Variants in TEAD1 observed in about 807,000 individuals in gnomAD.
TEAD1 encodes transcriptional enhancer factor TEF-1.
In TEAD1, 9 loss-of-function variants were observed where a neutral mutation model predicts 54.9. That is an observed-to-expected ratio of 0.16 (90% confidence interval 0.10 to 0.29). The LOEUF (loss-of-function observed/expected upper bound fraction) is 0.29. TEAD1 is among the 10% of genes least tolerant of loss of function. TEAD1 has a pLI of 1.00. For missense variants in TEAD1, 387 were observed against 535.9 expected, an observed-to-expected ratio of 0.72 and a Z score of 2.74; for synonymous variants, 200 against 187.8, an observed-to-expected ratio of 1.07 and a Z score of -0.53.
intron 2 of TEAD1, among the ~76,000 whole-genome samples, chr11:12,759,349 A>C (rs1945055149): frequency 6.7e-6 from 1 of 148,218 alleles, no homozygotes; most frequent in South Asian, 2.1e-4. Flanking sequence ...CACTGTACTC[A>C]TGTTACTCTT....
chr11:12,919,204 T>G (rs1467898585), intron 10 of TEAD1, among the ~76,000 whole-genome samples: 1 of 152,224 alleles, frequency 6.6e-6, no homozygotes, highest in Non-Finnish European at 1.5e-5. Flanking sequence ...TTAATAACTT[T>G]GTTTTGAATA....
At chr11:12,787,017 T>A (rs1945691677) in intron 3 of TEAD1, among the ~76,000 whole-genome samples, 1 of 152,134 alleles carries the variant, frequency 6.6e-6, no homozygotes, top group Non-Finnish European at 1.5e-5. Flanking sequence ...GGATCCAGCA[T>A]GGAGGTCAGA....
intron 3 of TEAD1, among the ~76,000 whole-genome samples, chr11:12,820,767 C>T (rs1001572985): frequency 3.9e-5 from 6 of 152,132 alleles, no homozygotes; most frequent in African/African-American, 1.4e-4. Context: ...GCTGTTTCCC[C>T]AAATTAAAAT....
In TEAD1 at chr11:12,814,775, CTCTGTGTGTGTGTGTG is replaced by C. The variant is rs1268187792; in HGVS notation, c.203-47473_203-47458del. ...CCAGCCACCCCTGACCATCGCAGAG[CTCTGTGTGTGTGTGTG>C]TGTGTGTGTGTGTGTGTGTGTGTGT... On this transcript the variant is annotated intron_variant, in intron 3 of 12. Transcript: ENST00000527636. 2.0e-3 allele frequency among the ~76,000 whole-genome samples: 291 copies of C among 142,236 alleles called. 7 individuals are homozygous for C. Among genetic ancestry groups the C allele is most frequent in the South Asian group, 8.2e-3 (35 of 4,288 alleles). The allele number at this position is 142,236 out of a possible 152,430, so 93.3% of individuals were successfully genotyped here.
chr11:12,787,144 G>A (rs1945693862), intron 3 of TEAD1, among the ~76,000 whole-genome samples: 1 of 152,170 alleles, frequency 6.6e-6, no homozygotes, highest in African/African-American at 2.4e-5. Flanking sequence ...GTGAAAGACT[G>A]AAAGCAAGCC....
intron 3 of TEAD1, among the ~76,000 whole-genome samples, chr11:12,779,118 G>T (rs953696361): frequency 6.6e-6 from 1 of 152,184 alleles, no homozygotes; most frequent in Non-Finnish European, 1.5e-5. Context: ...GGGTGTGTGT[G>T]TGTGTAAATG....
At chr11:12,857,253 A>C (rs1947404044) in intron 3 of TEAD1, among the ~76,000 whole-genome samples, 1 of 152,242 alleles carries the variant, frequency 6.6e-6, no homozygotes, top group South Asian at 2.1e-4. Context: ...TGAGGATCAC[A>C]GTGTAAAAGT....
chr11:12,855,808 G>GTGT (rs1455673308), intron 3 of TEAD1, among the ~76,000 whole-genome samples: 9 of 151,836 alleles, frequency 5.9e-5, no homozygotes, highest in African/African-American at 2.2e-4. Context: ...AATTAGCCAG[G>GTGT]TGTGGTGTAC....
intron 3 of TEAD1, among the ~76,000 whole-genome samples, chr11:12,825,317 T>C (rs922515169): frequency 2.0e-5 from 3 of 152,174 alleles, no homozygotes; most frequent in Admixed American, 6.5e-5. Flanking sequence ...GAGCCTGTAC[T>C]AGAAAACCTA....
At chr11:12,868,397 C>T (rs1415817236) in intron 5 of TEAD1, among the ~76,000 whole-genome samples, 1 of 152,134 alleles carries the variant, frequency 6.6e-6, no homozygotes, top group Admixed American at 6.5e-5. Flanking sequence ...GCTCCTGTGT[C>T]CCATTTAAAG....
intron 2 of TEAD1, among the ~76,000 whole-genome samples, chr11:12,735,563 T>C: frequency 9.8e-6 from 1 of 101,658 alleles, no homozygotes; most frequent in African/African-American, 4.5e-5. Flanking sequence ...CCTGGTTCGA[T>C]TTTTTTTTTT....
At chr11:12,720,749 G>C (rs1944178038) in intron 2 of TEAD1, among the ~76,000 whole-genome samples, 1 of 152,154 alleles carries the variant, frequency 6.6e-6, no homozygotes, top group Non-Finnish European at 1.5e-5. Context: ...TGAAGTGTTT[G>C]TTGCTGCTGA....
chr11:12,837,651 C>A (rs1039557498), intron 3 of TEAD1, among the ~76,000 whole-genome samples: 1 of 148,344 alleles, frequency 6.7e-6, no homozygotes, highest in Admixed American at 6.8e-5. Flanking sequence ...TCTGGTCTCT[C>A]TTTCTCTCCT....
intron 2 of TEAD1, among the ~76,000 whole-genome samples, chr11:12,741,141 G>C (rs149886536): frequency 6.6e-6 from 1 of 151,894 alleles, no homozygotes; most frequent in East Asian, 1.9e-4. Context: ...ATTTTGCTTT[G>C]CTTTTAAAAA....
intron 3 of TEAD1, among the ~76,000 whole-genome samples, chr11:12,767,874 C>T (rs183011439): frequency 3.9e-5 from 6 of 152,210 alleles, no homozygotes; most frequent in South Asian, 2.1e-4. Flanking sequence ...TACACAGCTA[C>T]GTGTGACTCT....
intron 5 of TEAD1, among the ~76,000 whole-genome samples, chr11:12,876,883 G>C: frequency 6.6e-6 from 1 of 152,308 alleles, no homozygotes; most frequent in East Asian, 1.9e-4. Flanking sequence ...TACCCTCTGA[G>C]GGGATGGACA....
intron 3 of TEAD1, among the ~76,000 whole-genome samples, chr11:12,840,524 C>G (rs1469854843): frequency 1.3e-5 from 2 of 152,150 alleles, no homozygotes; most frequent in African/African-American, 2.4e-5. Flanking sequence ...TTTCACTTAA[C>G]TTTTACTCAT....
At chr11:12,807,902 T>A (rs1590171012) in intron 3 of TEAD1, among the ~76,000 whole-genome samples, 1 of 152,166 alleles carries the variant, frequency 6.6e-6, no homozygotes, top group East Asian at 1.9e-4. Context: ...TAGCAGATGG[T>A]AGTCCTTACT....
chr11:12,908,321 T>C (rs1454227445), intron 10 of TEAD1, among the ~76,000 whole-genome samples: 1 of 152,156 alleles, frequency 6.6e-6, no homozygotes, highest in Non-Finnish European at 1.5e-5. Context: ...GCTGGAGTTA[T>C]TCGAACTAGT....
Sources: allele counts gnomAD v4.1 joint callset (sites outside exome capture counted in the v4.1 genomes callset), GRCh38; gene constraint gnomAD v4.1.1; transcripts MANE v1.5; gene names NCBI Gene and HGNC (gene_info 2026-07-23, HGNC 2026-07-21).